SLCO3A1: variants seen among roughly 807,000 people sequenced by gnomAD.
SLCO3A1 encodes the protein PGE1 transporter.
In SLCO3A1, 27 loss-of-function variants were observed where a neutral mutation model predicts 63.1. The observed-to-expected ratio is 0.43, with a 90% CI of 0.32 to 0.59. The LOEUF (loss-of-function observed/expected upper bound fraction) is 0.59, where lower values mean the gene tolerates loss of function less well. SLCO3A1 is among the 20% of genes least tolerant of loss of function. The pLI, the probability that SLCO3A1 is intolerant of heterozygous loss-of-function variation, is 0.09. For synonymous variants in SLCO3A1, 473 were observed against 409.9 expected (o/e 1.15, Z -1.86); for missense variants, 773 against 945.8 (o/e 0.82, Z 2.40).
At chr15:92,000,019 A>G (rs2046234719) in intron 2 of SLCO3A1, among the ~76,000 whole-genome samples, 1 of 152,226 alleles carries the variant, frequency 6.6e-6, no homozygotes, top group African/African-American at 2.4e-5. Context: ...ATAGAATACT[A>G]TATGGCAATT....
intron 1 of SLCO3A1, among the ~76,000 whole-genome samples, chr15:91,880,397 C>CTGTGTGTGTGTGTGTGTGTGTGTG (rs747889224): frequency 2.1e-5 from 2 of 94,216 alleles, no homozygotes; most frequent in Admixed American, 1.2e-4. Context: ...CTCTCTCTCT[C>CTGTGTGTGTGTGTGTGTGTGTGTG]TCTCTCTCTC....
intron 2 of SLCO3A1, among the ~76,000 whole-genome samples, chr15:92,004,571 A>T (rs558655569): frequency 3.3e-5 from 5 of 152,174 alleles, no homozygotes; most frequent in Admixed American, 6.5e-5. Flanking sequence ...GACAAACAGA[A>T]CACCAAAAAC....
chr15:91,929,069 C>G (rs1285995610), intron 2 of SLCO3A1, among the ~76,000 whole-genome samples: 1 of 152,178 alleles, frequency 6.6e-6, no homozygotes, highest in Non-Finnish European at 1.5e-5. Flanking sequence ...TGAGAAAGAA[C>G]AAGAAGTAGA....
intron 1 of SLCO3A1, among the ~76,000 whole-genome samples, chr15:91,914,567 C>CTTTTT (rs556314311): frequency 1.6e-5 from 2 of 122,276 alleles, no homozygotes; most frequent in African/African-American, 3.1e-5. Flanking sequence ...TATTTTCTTC[C>CTTTTT]TTTTTTTTTT....
intron 2 of SLCO3A1, among the ~76,000 whole-genome samples, chr15:92,091,217 C>T (rs568698328): frequency 6.6e-6 from 1 of 152,296 alleles, no homozygotes; most frequent in African/African-American, 2.4e-5. Flanking sequence ...AAAGTGCTTT[C>T]AATTATCCAG....
chr15:92,034,342 G>T (rs527388782), intron 2 of SLCO3A1, among the ~76,000 whole-genome samples: 90 of 151,790 alleles, frequency 5.9e-4, no homozygotes, highest in African/African-American at 2.2e-3. Flanking sequence ...GGCTCAGAGA[G>T]AGCAGGCTGG....
rs902458573 is a variant in SLCO3A1, at chr15:91,854,300, C to A, written c.180+212C>A. ...GGGTAGCGGGCGGGACCGTTGATGC[C>A]GGTAGCAGCTCGCGCGCGTCCGGCT... On this transcript the variant is annotated intron_variant, in intron 1 of 9. Coordinates refer to ENST00000318445, the MANE Select transcript of SLCO3A1 (RefSeq NM_013272.4). The surrounding 1 kb of genome is among the most constrained non-coding windows in gnomAD (Gnocchi z 6.4). 1 of 1,087,652 alleles carries A rather than the reference C, an allele frequency of 9.2e-7. No individual in the cohort carries two copies. Among genetic ancestry groups the A allele is most frequent in the Non-Finnish European group, 1.1e-6 (1 of 895,392 alleles). The allele number at this position is 1,087,652 out of a possible 1,614,324, so 67.4% of individuals were successfully genotyped here. A position where few individuals can be genotyped will look rare whatever the true frequency, so the allele number is the denominator to read the frequency against.
At chr15:92,110,255 G>A (rs1567125535) in intron 4 of SLCO3A1, among the ~76,000 whole-genome samples, 1 of 152,120 alleles carries the variant, frequency 6.6e-6, no homozygotes, top group Non-Finnish European at 1.5e-5. Flanking sequence ...TCTCCAGCCT[G>A]CCCTTGATCT....
chr15:91,992,041 T>C (rs1406106440), intron 2 of SLCO3A1, among the ~76,000 whole-genome samples: 2 of 152,198 alleles, frequency 1.3e-5, no homozygotes, highest in East Asian at 1.9e-4. Flanking sequence ...CTTCCAATAA[T>C]CCCTTAAGGG....
At position 92,163,246 on chromosome 15, in the gene SLCO3A1, C is replaced by T. The variant is rs2048463148; in HGVS notation, c.*111C>T. On this transcript the variant is annotated 3_prime_UTR_variant, in exon 10 of 10. Coordinates refer to ENST00000318445, the MANE Select transcript of SLCO3A1 (RefSeq NM_013272.4). Reference sequence around the variant, plus strand: ...AAAACTCAGTACACACACACAGGCACAGATGCACACACACGCAGACAGACA... The same window carrying T: ...AAAACTCAGTACACACACACAGGCATAGATGCACACACACGCAGACAGACA... The T allele has an allele frequency of 1.4e-6, 2 of 1,413,334 alleles. No homozygotes were observed. Among genetic ancestry groups the T allele is most frequent in the South Asian group, 3.6e-5 (2 of 55,410 alleles). 87.5% of individuals were successfully genotyped at this position (1,413,334 alleles called of 1,614,324 possible).
Position 91,922,276 on chromosome 15 carries a change from C to T in SLCO3A1, c.646+5818C>T, listed in dbSNP as rs1019230671. ...TCTGGAGAGAATGGGAGCTGGCCAG[C>T]GGAAAGGGGTTCTTTGAGAAGGGAG... On this transcript the variant is annotated intron_variant, in intron 2 of 9. Coordinates refer to ENST00000318445, the MANE Select transcript of SLCO3A1 (RefSeq NM_013272.4). 5.5e-4 allele frequency among the ~76,000 whole-genome samples: 83 copies of T among 152,120 alleles called. 1 individual carries two copies. Among genetic ancestry groups the T allele is most frequent in the African/African-American group, 1.9e-3 (79 of 41,500 alleles).
intron 3 of SLCO3A1, among the ~76,000 whole-genome samples, chr15:92,096,082 C>T (rs748634507): frequency 3.3e-5 from 5 of 152,164 alleles, no homozygotes; most frequent in Non-Finnish European, 7.3e-5. Flanking sequence ...CTTCACTGGG[C>T]AGTTCTAGCT....
intron 1 of SLCO3A1, among the ~76,000 whole-genome samples, chr15:91,896,330 C>T (rs140601116): frequency 7.9e-4 from 121 of 152,278 alleles, no homozygotes; most frequent in African/African-American, 2.8e-3. Flanking sequence ...TTTTCTTTAT[C>T]TGCCAAAAAA....
intron 2 of SLCO3A1, among the ~76,000 whole-genome samples, chr15:91,927,233 T>G (rs1179057623): frequency 6.6e-6 from 1 of 152,104 alleles, no homozygotes; most frequent in Admixed American, 6.5e-5. Flanking sequence ...GTGGGTGTTT[T>G]GGGTAATATT....
chr15:92,162,728 A>T, intron 9 of SLCO3A1, 28 bp from the exon 10 acceptor site: 1 of 1,588,540 alleles, frequency 6.3e-7, no homozygotes, highest in Non-Finnish European at 8.6e-7. Context: ...CCAGATCCAG[A>T]ACCTTAACAT....
intron 7 of SLCO3A1, among the ~76,000 whole-genome samples, chr15:92,141,138 T>C (rs1162825623): frequency 6.6e-6 from 1 of 152,160 alleles, no homozygotes; most frequent in East Asian, 1.9e-4. Context: ...ACAGTAAAGC[T>C]AGATCCCGCC....
At chr15:92,086,174 T>C (rs1054537641) in intron 2 of SLCO3A1, among the ~76,000 whole-genome samples, 1 of 152,184 alleles carries the variant, frequency 6.6e-6, no homozygotes, top group African/African-American at 2.4e-5. Context: ...TTGTGCATCA[T>C]TGGATTAGTT....
chr15:91,977,447 G>T (rs1299653835), intron 2 of SLCO3A1, among the ~76,000 whole-genome samples: 1 of 152,180 alleles, frequency 6.6e-6, no homozygotes, highest in South Asian at 2.1e-4. Context: ...TCAGTTTGGG[G>T]TTATTAGGGA....
In SLCO3A1 at chr15:92,088,812, C is replaced by T. The variant is rs889863550; in HGVS notation, c.647-6069C>T. Among the ~76,000 whole-genome samples the T allele has an allele frequency of 2.0e-5, 3 of 152,076 alleles. No individual in the cohort carries two copies. The East Asian group carries it at 5.8e-4, about 29-fold the overall frequency. Reference sequence around the variant, plus strand: ...GACTCCCTCTTCACATTTAAAAGATCCTTGTGATAAGATTGTGCCTATGGG... The same window carrying T: ...GACTCCCTCTTCACATTTAAAAGATTCTTGTGATAAGATTGTGCCTATGGG... On this transcript the variant is annotated intron_variant, in intron 2 of 9. Coordinates refer to ENST00000318445, the MANE Select transcript of SLCO3A1 (RefSeq NM_013272.4).
Sources: gnomAD v4.1 joint callset for allele counts (sites outside exome capture counted in the v4.1 genomes callset) on GRCh38, gnomAD v4.1.1 for gene constraint, Gnocchi (gnomAD v3.1) non-coding constraint, MANE v1.5 for transcripts, NCBI Gene and HGNC (gene_info 2026-07-23, HGNC 2026-07-21) for gene names.